Variants in RABL2A observed in about 807,000 individuals in gnomAD.
The protein encoded by RABL2A is RAB, member of RAS oncogene family like 2A.
In RABL2A, 17 loss-of-function variants were observed where a neutral mutation model predicts 30.7. That is an observed-to-expected ratio of 0.55 (90% CI 0.38 to 0.83). The LOEUF (loss-of-function observed/expected upper bound fraction) is 0.83. RABL2A is among the 40% of genes least tolerant of loss of function. RABL2A has a pLI of 0.00. For synonymous variants in RABL2A, 64 were observed against 101.8 expected, an observed-to-expected ratio of 0.63 and a Z score of 2.24; for missense variants, 155 against 272.6, an observed-to-expected ratio of 0.57 and a Z score of 3.04.
intron 5 of RABL2A, chr2:113,637,589 TGCCCG>T (rs1274379286): frequency 8.3e-7 from 1 of 1,210,040 alleles, no homozygotes; most frequent in Non-Finnish European, 1.1e-6. Context: ...TTCCCCCGAC[TGCCCG>T]TTAAGAACAA....
At position 113,642,230 on chromosome 2, in the gene RABL2A, T is replaced by C. The variant is rs1685470860; in HGVS notation, c.*101T>C. ...AAACTCTCTAGGCCATCCCCTCTTC[T>C]ACCTCCTGCAACCCACCCATCCTAT... On this transcript the variant is annotated 3_prime_UTR_variant, in exon 9 of 9. Coordinates refer to ENST00000683472, the MANE Select transcript of RABL2A (RefSeq NM_001306158.2). 2.7e-6 allele frequency: 4 copies of C among 1,485,178 alleles called. No individual in the cohort carries two copies. Among genetic ancestry groups the C allele is most frequent in the Non-Finnish European group, 3.6e-6 (4 of 1,114,820 alleles). 92.0% of individuals were successfully genotyped at this position (1,485,178 alleles called of 1,614,324 possible).
At chr2:113,634,981 G>A in intron 4 of RABL2A, 70 bp from the exon 5 acceptor site, 10 of 1,605,610 alleles carry the variant, frequency 6.2e-6, no homozygotes, top group African/African-American at 1.3e-5. Context: ...TGTGCCGCAT[G>A]TGTGTTGTAT....
rs1168830222 is a variant in RABL2A at position 113,643,202 on chromosome 2, C to T, written c.*1073C>T. On this transcript the variant is annotated 3_prime_UTR_variant, in exon 9 of 9. Coordinates refer to ENST00000683472, the MANE Select transcript of RABL2A (RefSeq NM_001306158.2). Reference sequence around the variant, plus strand: ...CCTTTTTTTTTAGGAATAGTTTGGACCTTGTGCCTCCTGTGGGAGGCTGAG... The same window carrying T: ...CCTTTTTTTTTAGGAATAGTTTGGATCTTGTGCCTCCTGTGGGAGGCTGAG... 16 of 452,766 alleles carry T rather than the reference C, an allele frequency of 3.5e-5. No homozygotes were observed. Among genetic ancestry groups the T allele is most frequent in the Non-Finnish European group, 7.1e-5 (16 of 225,460 alleles). 28.0% of individuals were successfully genotyped at this position (452,766 alleles called of 1,614,324 possible).
intron 2 of RABL2A, among the ~76,000 whole-genome samples, chr2:113,631,137 T>C (rs1208477938): frequency 6.6e-6 from 1 of 152,156 alleles, no homozygotes; most frequent in African/African-American, 2.4e-5. Flanking sequence ...TCAAGTGATC[T>C]GTCTGCCTTG....
intron 5 of RABL2A, among the ~76,000 whole-genome samples, chr2:113,639,506 C>T (rs1684282525): frequency 6.6e-6 from 1 of 151,636 alleles, no homozygotes; most frequent in Non-Finnish European, 1.5e-5. Flanking sequence ...CCTGTAATCC[C>T]AGCTACTCCG....
rs1386891051 is a variant in RABL2A at position 113,643,306 on chromosome 2, A to C, written c.*1177A>C. The C allele has an allele frequency of 8.6e-6, 3 of 348,698 alleles. No individual in the cohort carries two copies. Among genetic ancestry groups the C allele is most frequent in the Admixed American group, 4.1e-5 (1 of 24,218 alleles). The allele number at this position is 348,698 out of a possible 1,614,324, so 21.6% of individuals were successfully genotyped here. ...TGGCTTGCTAGTATGTTTTTATGATAATCTCGGGCATTGTTTGCATTGTGT... is the reference window on the plus strand; with the variant it reads ...TGGCTTGCTAGTATGTTTTTATGATCATCTCGGGCATTGTTTGCATTGTGT... On this transcript the variant is annotated 3_prime_UTR_variant, in exon 9 of 9. Coordinates refer to ENST00000683472, the MANE Select transcript of RABL2A (RefSeq NM_001306158.2).
chr2:113,643,294 T>A lies in RABL2A; in HGVS notation c.*1165T>A, dbSNP rs1462480897. The A allele has an allele frequency of 2.8e-6, 1 of 351,980 alleles. No homozygotes were observed. Among genetic ancestry groups the A allele is most frequent in the African/African-American group, 2.2e-5 (1 of 46,148 alleles). The allele number at this position is 351,980 out of a possible 1,614,324, so 21.8% of individuals were successfully genotyped here. On this transcript the variant is annotated 3_prime_UTR_variant, in exon 9 of 9. Coordinates refer to ENST00000683472, the MANE Select transcript of RABL2A (RefSeq NM_001306158.2). ...CTCTGGTACTTGTGGCTTGCTAGTA[T>A]GTTTTTATGATAATCTCGGGCATTG...
intron 3 of RABL2A, 87 bp downstream of exon 3, chr2:113,633,031 C>T (rs894351425): frequency 1.3e-6 from 2 of 1,598,920 alleles, no homozygotes; most frequent in Non-Finnish European, 1.7e-6. Context: ...CCCTTTGTAC[C>T]AGCAGCCCAG....
intron 2 of RABL2A, among the ~76,000 whole-genome samples, chr2:113,629,679 C>T (rs535495453): frequency 9.5e-4 from 144 of 152,196 alleles, no homozygotes; most frequent in African/African-American, 3.3e-3. Context: ...GGACTACAGG[C>T]GCCCGCCACC....
chr2:113,634,308 T>A lies in RABL2A; in HGVS notation c.217+76T>A. The A allele has an allele frequency of 6.4e-6, 10 of 1,555,026 alleles. No individual in the cohort carries two copies. In the South Asian group the frequency reaches 9.4e-5, roughly 15 times the overall value. On this transcript the variant is annotated intron_variant, in intron 4 of 8. Transcript: ENST00000683472. ...GAGACGAGGGGAGGTGAGGCAAGGT[T>A]CATAAGGAGAGAGTCCAGAGGGAGA...
intron 2 of RABL2A, among the ~76,000 whole-genome samples, chr2:113,631,185 G>A (rs1191283576): frequency 1.3e-5 from 2 of 152,172 alleles, no homozygotes; most frequent in East Asian, 3.8e-4. Flanking sequence ...GTGAGCCACC[G>A]CACCCAGCCA....
intron 2 of RABL2A, among the ~76,000 whole-genome samples, chr2:113,629,026 G>C (rs1197988783): frequency 6.6e-6 from 1 of 151,112 alleles, no homozygotes; most frequent in Non-Finnish European, 1.5e-5. Context: ...GGAATGGAAA[G>C]ACAAAAGTGA....
At chr2:113,633,824 A>G (rs1160256190) in intron 3 of RABL2A, 4 of 341,026 alleles carry the variant, frequency 1.2e-5, no homozygotes, top group Non-Finnish European at 2.2e-5. Context: ...AGCTCCATCC[A>G]TGATTGAGTT....
At chr2:113,641,515 G>A in intron 7 of RABL2A, 65 bp downstream of exon 7, 1 of 1,612,172 alleles carries the variant, frequency 6.2e-7, no homozygotes, top group East Asian at 2.2e-5. Context: ...AAGCTGTGAA[G>A]AGAAGGGCTT....
chr2:113,635,513 TGAGTAGATGCTGCGGGTCCCA>T (rs1682253849), intron 5 of RABL2A: 1 of 338,610 alleles, frequency 3.0e-6, no homozygotes, highest in Non-Finnish European at 5.7e-6. Context: ...ATGCTGGGAC[TGAGTAGATGCTGCGGGTCCCA>T]GAGAACCTTC....
intron 5 of RABL2A, among the ~76,000 whole-genome samples, chr2:113,639,156 A>C (rs1304360173): frequency 6.7e-6 from 1 of 149,368 alleles, no homozygotes; most frequent in African/African-American, 2.5e-5. Context: ...GCATGGTGGC[A>C]TGTGCCTGTA....
chr2:113,628,554 T>G lies in RABL2A; in HGVS notation c.-53T>G. 1.0e-6 allele frequency: 1 copy of G among 969,826 alleles called. No homozygotes were observed. The highest frequency in any genetic ancestry group is 1.5e-6 in the Non-Finnish European group (1 of 666,872). 60.1% of individuals were successfully genotyped at this position (969,826 alleles called of 1,614,324 possible). ...GCCTCTTGTTGATCTTCCCAGACAGTGACAATACCCTCCCCTCCCTTGGGC... is the reference window on the plus strand; with the variant it reads ...GCCTCTTGTTGATCTTCCCAGACAGGGACAATACCCTCCCCTCCCTTGGGC... On this transcript the variant is annotated splice_region_variant and 5_prime_UTR_variant, in exon 2 of 9. Transcript: ENST00000683472.
Position 113,635,094 on chromosome 2 carries a change from T to C in RABL2A, c.261T>C (p.His87=), listed in dbSNP as rs760826362. 5.0e-6 allele frequency: 8 copies of C among 1,614,084 alleles called. No individual in the cohort carries two copies. Among genetic ancestry groups the C allele is most frequent in the Non-Finnish European group, 5.1e-6 (6 of 1,180,042 alleles). ...GCCAGGAGCGGTTCCAGAGCATGCA[T>C]GCCTCCTACTACCACAAGGCCCATG... is the stretch of plus-strand genomic sequence containing the variant. The part of the protein sequence containing the change: ...TAGQERFQSM[H]ASYYHKAHAC... Residue 87 remains histidine (H), a synonymous_variant, in exon 5 of 9, where the codon CAT becomes CAC. Transcript: ENST00000683472.
chr2:113,642,225 T>G lies in RABL2A; in HGVS notation c.*96T>G. 6.7e-7 allele frequency: 1 copy of G among 1,481,566 alleles called. No individual in the cohort carries two copies. Among genetic ancestry groups the G allele is most frequent in the East Asian group, 2.5e-5 (1 of 40,550 alleles). 91.8% of individuals were successfully genotyped at this position (1,481,566 alleles called of 1,614,324 possible). On this transcript the variant is annotated 3_prime_UTR_variant, in exon 9 of 9. Transcript: ENST00000683472. ...TGGAGAAACTCTCTAGGCCATCCCCTCTTCTACCTCCTGCAACCCACCCAT... is the reference window on the plus strand; with the variant it reads ...TGGAGAAACTCTCTAGGCCATCCCCGCTTCTACCTCCTGCAACCCACCCAT...
Sources: allele counts gnomAD v4.1 joint callset (sites outside exome capture counted in the v4.1 genomes callset), GRCh38; gene constraint gnomAD v4.1.1; transcripts MANE v1.5; gene names NCBI Gene and HGNC (gene_info 2026-07-23, HGNC 2026-07-21).